The following HPGDS variants were observed in gnomAD, a reference collection of about 807,000 sequenced individuals.
HPGDS encodes the protein GST class-sigma.
HPGDS carries 26 observed loss-of-function variants against 23.1 expected under a neutral mutation model. The ratio of observed to expected loss-of-function variants is 1.13; its 90% CI spans 0.83 to 1.56. The LOEUF (loss-of-function observed/expected upper bound fraction) is 1.56, where lower values mean the gene tolerates loss of function less well. HPGDS is among the 40% of genes most tolerant of loss of function. The pLI is 0.00. For missense variants in HPGDS, 268 were observed against 236.4 expected (o/e 1.13, Z -0.88); for synonymous variants, 95 against 77.9 (o/e 1.22, Z -1.16).
chr4:94,337,579 G>A (rs527639592), intron 1 of HPGDS, among the ~76,000 whole-genome samples: 5 of 151,988 alleles, frequency 3.3e-5, no homozygotes, highest in Non-Finnish European at 7.4e-5. Flanking sequence ...GGAGGCTGAG[G>A]CAGAAAAATC....
rs147744413 is a variant in HPGDS at position 94,308,826 on chromosome 4, G to T, written c.227-83C>A. 50 of 666,756 alleles carry T rather than the reference G, an allele frequency of 7.5e-5. 1 individual carries two copies. The African/African-American group carries it at 9.3e-4, about 12-fold the overall frequency. The allele number at this position is 666,756 out of a possible 1,614,324, so 41.3% of individuals were successfully genotyped here. On this transcript the variant is annotated intron_variant, in intron 3 of 5. Coordinates refer to ENST00000295256, the MANE Select transcript of HPGDS (RefSeq NM_014485.3). Reference sequence around the variant, plus strand: ...TTTTAACAGATAGTATACTCATATGGTTGAAAATTCAAAGAGTGTAAAACA... The same window carrying T: ...TTTTAACAGATAGTATACTCATATGTTTGAAAATTCAAAGAGTGTAAAACA...
chr4:94,335,192 T>C (rs2126046015), intron 1 of HPGDS, among the ~76,000 whole-genome samples: 1 of 152,296 alleles, frequency 6.6e-6, no homozygotes, highest in East Asian at 1.9e-4. Context: ...GAAACACTGC[T>C]CTCTGGTTCC....
chr4:94,320,058 A>T (rs140841287), intron 2 of HPGDS, among the ~76,000 whole-genome samples: 1 of 152,112 alleles, frequency 6.6e-6, no homozygotes, highest in African/African-American at 2.4e-5. Context: ...GATGGTTTCC[A>T]GCTTCATCCA....
At chr4:94,318,160 C>T (rs1001638763) in intron 2 of HPGDS, among the ~76,000 whole-genome samples, 195 bp from the exon 3 acceptor site, 3 of 151,990 alleles carry the variant, frequency 2.0e-5, no homozygotes, top group African/African-American at 4.8e-5. Context: ...TGTTAGAAAA[C>T]CTGATTTAAA....
At chr4:94,310,978 A>G (rs1446648842) in intron 3 of HPGDS, among the ~76,000 whole-genome samples, 1 of 152,166 alleles carries the variant, frequency 6.6e-6, no homozygotes, top group Non-Finnish European at 1.5e-5. Context: ...ATTTTTGCAC[A>G]TTGATTTTGT....
chr4:94,304,431 A>G (rs924584734), intron 4 of HPGDS, among the ~76,000 whole-genome samples: 1 of 152,144 alleles, frequency 6.6e-6, no homozygotes, highest in African/African-American at 2.4e-5. Context: ...TTTATTGGAA[A>G]TGGAATTTTT....
At chr4:94,307,204 G>A (rs1047691057) in intron 4 of HPGDS, among the ~76,000 whole-genome samples, 1 of 151,264 alleles carries the variant, frequency 6.6e-6, no homozygotes, top group Non-Finnish European at 1.5e-5. Flanking sequence ...AACAAATAAG[G>A]CCCCAAAAGC....
At chr4:94,311,770 G>T (rs936824600) in intron 3 of HPGDS, among the ~76,000 whole-genome samples, 2 of 151,260 alleles carry the variant, frequency 1.3e-5, no homozygotes, top group Non-Finnish European at 2.9e-5. Context: ...TCTGGTCCTG[G>T]ACTTTTTTTG....
intron 2 of HPGDS, among the ~76,000 whole-genome samples, chr4:94,322,620 A>G (rs1468075685): frequency 1.3e-5 from 2 of 151,534 alleles, no homozygotes; most frequent in Admixed American, 6.6e-5. Context: ...CCCCTTTATC[A>G]TTTTTCATTG....
Position 94,334,513 on chromosome 4 carries a change from C to T in HPGDS, c.117G>A (p.Trp39Ter). ...GCTACTTACTTGATTTGATTTCAGG[C>T]CAGTCAGCTTGTTCTATTCTGTGGT... ...YEDHRIEQAD[W>*]PEIKSTLPFG... The change falls in exon 2 of 6, where the codon TGG (tryptophan) becomes TGA (stop). Residue 39 changes from tryptophan (W) to a stop codon, truncating the protein, a stop_gained. Transcript: ENST00000295256. LOFTEE classifies it high-confidence loss of function. 1.3e-6 allele frequency: 2 copies of T among 1,593,092 alleles called. No individual in the cohort carries two copies. Among genetic ancestry groups the T allele is most frequent in the East Asian group, 2.3e-5 (1 of 43,818 alleles).
chr4:94,300,829 C>A (rs1756026344), intron 5 of HPGDS, among the ~76,000 whole-genome samples: 1 of 151,940 alleles, frequency 6.6e-6, no homozygotes, highest in Non-Finnish European at 1.5e-5. Context: ...AAGATTAAGA[C>A]CTGCAGTGAG....
Position 94,298,979 on chromosome 4 carries a change from G to A in HPGDS, c.*501C>T. ...CAATAGCAATACAACTACACACTTT[G>A]CTATCTATGCAGGAATAACAGATGT... On this transcript the variant is annotated 3_prime_UTR_variant, in exon 6 of 6. Coordinates refer to ENST00000295256, the MANE Select transcript of HPGDS (RefSeq NM_014485.3). 6.6e-6 allele frequency: 1 copy of A among 152,450 alleles called. No homozygotes were observed. 9.4% of individuals were successfully genotyped at this position (152,450 alleles called of 1,614,324 possible). A position where few individuals can be genotyped will look rare whatever the true frequency, so the allele number is the denominator to read the frequency against.
At chr4:94,336,560 A>G (rs529368242) in intron 1 of HPGDS, among the ~76,000 whole-genome samples, 1 of 152,242 alleles carries the variant, frequency 6.6e-6, no homozygotes, top group Admixed American at 6.5e-5. Context: ...TTCACCGCAT[A>G]TATAGATATG....
intron 4 of HPGDS, among the ~76,000 whole-genome samples, chr4:94,306,243 AAT>A (rs1756136588): frequency 6.6e-6 from 1 of 152,110 alleles, no homozygotes; most frequent in African/African-American, 2.4e-5. Context: ...GTCTCTTTAA[AAT>A]AGAGACTGTG....
At chr4:94,316,942 A>G (rs1756408887) in intron 3 of HPGDS, among the ~76,000 whole-genome samples, 2 of 152,250 alleles carry the variant, frequency 1.3e-5, no homozygotes, top group Admixed American at 6.5e-5. Context: ...TTCACTTTAA[A>G]GCCTAATTTC....
At chr4:94,315,860 C>T (rs894294792) in intron 3 of HPGDS, among the ~76,000 whole-genome samples, 8 of 152,182 alleles carry the variant, frequency 5.3e-5, no homozygotes, top group African/African-American at 1.7e-4. Context: ...CACCTCAAGG[C>T]TTCAGCTAAA....
At chr4:94,316,202 T>G (rs915573165) in intron 3 of HPGDS, among the ~76,000 whole-genome samples, 1 of 151,984 alleles carries the variant, frequency 6.6e-6, no homozygotes, top group African/African-American at 2.4e-5. Context: ...AAAAAGTATT[T>G]TGAACAGAAA....
At chr4:94,329,120 G>A (rs748820077) in intron 2 of HPGDS, among the ~76,000 whole-genome samples, 83 of 152,178 alleles carry the variant, frequency 5.5e-4, no homozygotes, top group South Asian at 1.0e-3. Context: ...ATCAAAATGC[G>A]TAATTTTTTT....
Position 94,334,537 on chromosome 4 carries a change from G to A in HPGDS, c.93C>T (p.Asp31=), listed in dbSNP as rs759784832. The A allele has an allele frequency of 6.2e-7, 1 of 1,612,480 alleles. No homozygotes were observed. Among genetic ancestry groups the A allele is most frequent in the East Asian group, 2.2e-5 (1 of 44,766 alleles). Residue 31 remains aspartate, a synonymous_variant, in exon 2 of 6, where the codon GAC becomes GAT. Transcript: ENST00000295256. ...GCCAGTCAGCTTGTTCTATTCTGTG[G>A]TCTTCATACTGTATGTCCAAATAAG... ...IFAYLDIQYE[D]HRIEQADWPE...
Sources: gnomAD v4.1 joint callset for allele counts (sites outside exome capture counted in the v4.1 genomes callset) on GRCh38, gnomAD v4.1.1 for gene constraint, MANE v1.5 for transcripts, NCBI Gene and HGNC (gene_info 2026-07-23, HGNC 2026-07-21) for gene names.